Variants in CPXM2 observed in about 807,000 individuals in gnomAD.
CPXM2 encodes inactive carboxypeptidase-like protein X2.
In CPXM2, 66 loss-of-function variants were observed where a neutral mutation model predicts 86.1. The observed-to-expected ratio is 0.77, with a 90% confidence interval of 0.63 to 0.94. The LOEUF (loss-of-function observed/expected upper bound fraction) is 0.94, where lower values mean the gene tolerates loss of function less well. CPXM2 is among the 40% of genes least tolerant of loss of function. The pLI is 0.00. For missense variants in CPXM2, 948 were observed against 1,026.3 expected (o/e 0.92, Z 1.04); for synonymous variants, 388 against 400.2 (o/e 0.97, Z 0.36).
chr10:123,753,046 C>A (rs1481068470), intron 13 of CPXM2, among the ~76,000 whole-genome samples: 1 of 152,090 alleles, frequency 6.6e-6, no homozygotes, highest in African/African-American at 2.4e-5. Flanking sequence ...GGAGGTGTGC[C>A]ATGCTCATAG....
intron 3 of CPXM2, among the ~76,000 whole-genome samples, chr10:123,860,547 C>G (rs141877670): frequency 2.0e-5 from 3 of 152,172 alleles, no homozygotes; most frequent in Non-Finnish European, 2.9e-5. Context: ...AATTTTTGAC[C>G]GAAAGCACAA....
chr10:123,829,534 T>C (rs1848121786), intron 4 of CPXM2, among the ~76,000 whole-genome samples: 1 of 151,808 alleles, frequency 6.6e-6, no homozygotes, highest in South Asian at 2.1e-4. Flanking sequence ...TCTGAACAAA[T>C]GGAAAAGTCA....
At chr10:123,915,034 G>A (rs1193440609) in intron 2 of CPXM2, among the ~76,000 whole-genome samples, 3 of 152,160 alleles carry the variant, frequency 2.0e-5, no homozygotes, top group African/African-American at 4.8e-5. Context: ...GATTGGACCT[G>A]CTCTGGTCCC....
intron 11 of CPXM2, among the ~76,000 whole-genome samples, chr10:123,759,846 C>A (rs1301399819): frequency 6.6e-6 from 1 of 152,208 alleles, no homozygotes; most frequent in Non-Finnish European, 1.5e-5. Context: ...AGCACACACA[C>A]TCCAAACAAT....
chr10:123,800,004 A>G (rs147210899), intron 4 of CPXM2, among the ~76,000 whole-genome samples: 2,509 of 150,282 alleles, frequency 0.017, 71 homozygotes, highest in African/African-American at 0.058. Context: ...TATTGGAACT[A>G]AGAAGCAATT....
intron 10 of CPXM2, among the ~76,000 whole-genome samples, chr10:123,766,666 A>G (rs1846481038): frequency 1.3e-5 from 2 of 152,236 alleles, no homozygotes; most frequent in Non-Finnish European, 2.9e-5. Flanking sequence ...TCTTAGTAAT[A>G]TAACCGACAG....
chr10:123,927,105 A>T (rs768464184), intron 2 of CPXM2, among the ~76,000 whole-genome samples: 5 of 152,040 alleles, frequency 3.3e-5, no homozygotes, highest in Non-Finnish European at 7.4e-5. Context: ...ACCCACTCTC[A>T]ATTTCCAGAC....
chr10:123,906,409 T>A (rs1031961779), intron 2 of CPXM2, among the ~76,000 whole-genome samples: 2 of 152,174 alleles, frequency 1.3e-5, no homozygotes, highest in African/African-American at 4.8e-5. Flanking sequence ...CTCACTCTCA[T>A]AGATACAGCA....
chr10:123,892,902 G>A (rs867047023), upstream of CPXM2, among the ~76,000 whole-genome samples: 6 of 152,136 alleles, frequency 3.9e-5, no homozygotes, highest in South Asian at 2.1e-4. Context: ...CCTGGTCCTC[G>A]CACGTGGGCC....
At chr10:123,811,682 A>T (rs1350386859) in intron 4 of CPXM2, among the ~76,000 whole-genome samples, 1 of 152,238 alleles carries the variant, frequency 6.6e-6, no homozygotes, top group African/African-American at 2.4e-5. Context: ...TATTTTGAGC[A>T]TATTTAGCTG....
intron 2 of CPXM2, among the ~76,000 whole-genome samples, chr10:123,878,712 G>T (rs1383523374): frequency 6.6e-6 from 1 of 152,076 alleles, no homozygotes; most frequent in Non-Finnish European, 1.5e-5. Context: ...TAACAAGGCA[G>T]TGAAGAAATA....
rs751454459 is a variant in CPXM2 at position 123,746,077 on chromosome 10, GA to G, written c.*686del. On this transcript the variant is annotated 3_prime_UTR_variant, in exon 14 of 14. Coordinates refer to ENST00000241305, the MANE Select transcript of CPXM2 (RefSeq NM_198148.3). ...GCAGGGACTTTGGGGGTTGTTTATG[GA>G]CCCAGAATTTGTGCAAGAAGCTCCA... 2 of 152,134 alleles carry G rather than the reference GA, an allele frequency of 1.3e-5. No homozygotes were observed. Among genetic ancestry groups the G allele is most frequent in the Admixed American group, 6.5e-5 (1 of 15,280 alleles). 9.4% of individuals were successfully genotyped at this position (152,134 alleles called of 1,614,324 possible). A position where few individuals can be genotyped will look rare whatever the true frequency, so the allele number is the denominator to read the frequency against.
At chr10:123,852,056 G>A (rs890429505) in intron 3 of CPXM2, among the ~76,000 whole-genome samples, 2 of 152,114 alleles carry the variant, frequency 1.3e-5, no homozygotes, top group African/African-American at 2.4e-5. Flanking sequence ...TAGAGACTTC[G>A]GAAGGAGCGA....
chr10:123,862,416 G>A (rs868398423), intron 3 of CPXM2, among the ~76,000 whole-genome samples, 198 bp downstream of exon 3: 4 of 152,198 alleles, frequency 2.6e-5, no homozygotes, highest in Non-Finnish European at 2.9e-5. Flanking sequence ...TTTTACTCAC[G>A]ACAGTCTTTG....
intron 4 of CPXM2, among the ~76,000 whole-genome samples, chr10:123,800,237 G>A (rs1289673628): frequency 6.6e-6 from 1 of 151,492 alleles, no homozygotes; most frequent in African/African-American, 2.4e-5. Flanking sequence ...TCATGAAAAT[G>A]ATTCTTAGGT....
intron 2 of CPXM2, among the ~76,000 whole-genome samples, chr10:123,913,039 A>C (rs796406854): frequency 1.1e-4 from 16 of 152,350 alleles, no homozygotes; most frequent in African/African-American, 3.6e-4. Context: ...GCAGAGATGA[A>C]GGGCTCTAAA....
intron 6 of CPXM2, among the ~76,000 whole-genome samples, chr10:123,784,036 A>G (rs1914528): frequency 0.038 from 5,831 of 152,246 alleles, 368 homozygotes; most frequent in African/African-American, 0.13. Flanking sequence ...GTGCTCTCCC[A>G]CCAAAGAAAA....
intron 7 of CPXM2, among the ~76,000 whole-genome samples, chr10:123,772,619 G>A (rs902361172): frequency 1.3e-5 from 2 of 151,866 alleles, no homozygotes; most frequent in African/African-American, 4.8e-5. Flanking sequence ...CCTGGTCATG[G>A]TTATCACTTC....
At chr10:123,862,491 C>A in intron 3 of CPXM2, 123 bp downstream of exon 3, 1 of 832,864 alleles carries the variant, frequency 1.2e-6, no homozygotes, top group Non-Finnish European at 2.0e-6. Flanking sequence ...TCAGCAATAT[C>A]CTTTCTTACT....
Sources: gnomAD v4.1 joint callset for allele counts (sites outside exome capture counted in the v4.1 genomes callset) on GRCh38, gnomAD v4.1.1 for gene constraint, MANE v1.5 for transcripts, NCBI Gene and HGNC (gene_info 2026-07-23, HGNC 2026-07-21) for gene names.